Variants in NF1 observed in about 807,000 individuals in gnomAD.
NF1 encodes neurofibromin.
Under a neutral mutation model 325.7 loss-of-function variants are expected in NF1, and 122 were observed. The ratio of observed to expected loss-of-function variants is 0.37; its 90% CI spans 0.32 to 0.44. NF1 has a LOEUF of 0.44. NF1 is among the 20% of genes least tolerant of loss of function. The pLI, the probability that NF1 is intolerant of heterozygous loss-of-function variation, is 1.00. For missense variants in NF1, 2,140 were observed against 3,415.4 expected, an observed-to-expected ratio of 0.63 and a Z score of 9.31; for synonymous variants, 1,091 against 1,186.0, an observed-to-expected ratio of 0.92 and a Z score of 1.65.
At chr17:31,200,373 A>C in intron 8 of NF1, 49 bp from the exon 9 acceptor site, 3 of 1,570,470 alleles carry the variant, frequency 1.9e-6, no homozygotes, top group Non-Finnish European at 2.6e-6. Flanking sequence ...TACATCTGGA[A>C]TAGAAGAAAC....
chr17:31,337,707 C>A (rs2069713140), intron 43 of NF1, 112 bp from the exon 44 acceptor site: 12 of 1,398,094 alleles, frequency 8.6e-6, no homozygotes, highest in Non-Finnish European at 1.2e-5. Context: ...AAAACACTTG[C>A]ATGGACTGTG....
intron 1 of NF1, among the ~76,000 whole-genome samples, chr17:31,149,906 G>A (rs1010279988): frequency 1.3e-5 from 2 of 152,086 alleles, no homozygotes; most frequent in Admixed American, 1.3e-4. Context: ...GGCTAGTATT[G>A]GTCAGCAAAG....
intron 13 of NF1, among the ~76,000 whole-genome samples, chr17:31,218,383 C>A (rs2066859738): frequency 6.6e-6 from 1 of 151,930 alleles, no homozygotes. Context: ...AAAAGAATCC[C>A]TAACAAAAGA....
At chr17:31,283,237 G>A (rs963799104) in intron 36 of NF1, among the ~76,000 whole-genome samples, 3 of 151,978 alleles carry the variant, frequency 2.0e-5, no homozygotes, top group Non-Finnish European at 2.9e-5. Context: ...CTAACACAGT[G>A]AAATCCCGTC....
At chr17:31,334,801 A>G (rs758588256) in intron 39 of NF1, 37 bp from the exon 40 acceptor site, 2 of 1,496,352 alleles carry the variant, frequency 1.3e-6, no homozygotes, top group Admixed American at 3.3e-5. Flanking sequence ...TGTGATTTTC[A>G]TTGACCATCA....
Position 31,218,234 on chromosome 17 carries a change from T to C in NF1, c.1528-771T>C, listed in dbSNP as rs561402981. On this transcript the variant is annotated intron_variant, in intron 13 of 57. Transcript: ENST00000358273. ...AGTTCCAAACCAGAGATACGTTCTT[T>C]AGCCAGTTTACTATTGTTGGAAAAA... is the stretch of plus-strand genomic sequence containing the variant. Among the ~76,000 whole-genome samples, 5 of 152,318 alleles carry C rather than the reference T, an allele frequency of 3.3e-5. No individual in the cohort carries two copies. The East Asian group carries it at 7.7e-4, about 24-fold the overall frequency.
At chr17:31,362,314 G>A (rs1033978035) in intron 57 of NF1, 8 of 985,288 alleles carry the variant, frequency 8.1e-6, no homozygotes, top group Non-Finnish European at 9.6e-6. Flanking sequence ...ATTCCTTCCT[G>A]CTTCCCCGCT....
At chr17:31,200,863 G>A (rs899474406) in intron 9 of NF1, among the ~76,000 whole-genome samples, 174 bp from the exon 10 acceptor site, 2 of 152,146 alleles carry the variant, frequency 1.3e-5, no homozygotes, top group African/African-American at 4.8e-5. Flanking sequence ...CCTATATATG[G>A]TATAGGAAGA....
At chr17:31,240,421 T>C (rs990464892) in intron 29 of NF1, among the ~76,000 whole-genome samples, 1 of 152,270 alleles carries the variant, frequency 6.6e-6, no homozygotes, top group Non-Finnish European at 1.5e-5. Flanking sequence ...TCTCATGTTT[T>C]GTGTCTGAAT....
intron 29 of NF1, among the ~76,000 whole-genome samples, chr17:31,240,451 G>A (rs552505665): frequency 1.3e-5 from 2 of 152,292 alleles, no homozygotes; most frequent in South Asian, 4.1e-4. Context: ...TTGTGTATAT[G>A]TACCACAGTT....
At chr17:31,108,878 G>T (rs1047877095) in intron 1 of NF1, among the ~76,000 whole-genome samples, 2 of 152,184 alleles carry the variant, frequency 1.3e-5, no homozygotes, top group African/African-American at 2.4e-5. Flanking sequence ...AGAGTAACAC[G>T]TGGTGGAGGG....
chr17:31,214,974 A>G (rs2066795560), intron 13 of NF1, among the ~76,000 whole-genome samples: 1 of 152,034 alleles, frequency 6.6e-6, no homozygotes, highest in Non-Finnish European at 1.5e-5. Context: ...AAATCTCCAG[A>G]TTGCTTTTGC....
chr17:31,294,870 T>G, intron 36 of NF1: 5 of 1,117,382 alleles, frequency 4.5e-6, no homozygotes, highest in South Asian at 2.6e-5. Context: ...GTTACTTCAT[T>G]TACATCAGAG....
intron 5 of NF1, among the ~76,000 whole-genome samples, chr17:31,177,602 A>G (rs1440747016): frequency 1.3e-5 from 2 of 152,080 alleles, no homozygotes; most frequent in Non-Finnish European, 2.9e-5. Flanking sequence ...AACCCAATGC[A>G]AGGAAGCTAA....
chr17:31,236,814 C>T (rs2067212334), intron 29 of NF1, among the ~76,000 whole-genome samples: 1 of 152,008 alleles, frequency 6.6e-6, no homozygotes, highest in Non-Finnish European at 1.5e-5. Context: ...GTACTACCCA[C>T]GAACAAAGAA....
At chr17:31,309,488 T>G (rs1773989209) in intron 36 of NF1, among the ~76,000 whole-genome samples, 1 of 152,166 alleles carries the variant, frequency 6.6e-6, no homozygotes, top group South Asian at 2.1e-4. Context: ...TTCCTACCCA[T>G]TATTCTTATA....
intron 57 of NF1, among the ~76,000 whole-genome samples, chr17:31,372,784 G>A (rs1362333224): frequency 6.6e-6 from 1 of 152,204 alleles, no homozygotes; most frequent in Non-Finnish European, 1.5e-5. Context: ...GAGAGGCCAA[G>A]ATGGAAGGAT....
chr17:31,279,589 TAAAA>T (rs774250064), intron 36 of NF1, among the ~76,000 whole-genome samples: 2 of 136,000 alleles, frequency 1.5e-5, no homozygotes, highest in Non-Finnish European at 1.6e-5. Flanking sequence ...CCAGCCTCTT[TAAAA>T]AAAAAAAAAA....
intron 1 of NF1, among the ~76,000 whole-genome samples, chr17:31,140,486 G>A (rs963872683): frequency 1.3e-5 from 2 of 152,250 alleles, no homozygotes; most frequent in African/African-American, 2.4e-5. Context: ...CAAAAATTTC[G>A]TGTCAACTCT....
Sources: gnomAD v4.1 joint callset for allele counts (sites outside exome capture counted in the v4.1 genomes callset) on GRCh38, gnomAD v4.1.1 for gene constraint, MANE v1.5 for transcripts, NCBI Gene and HGNC (gene_info 2026-07-23, HGNC 2026-07-21) for gene names.